The following RBFOX1 variants were observed in gnomAD, a reference collection of about 807,000 sequenced individuals.
RBFOX1 encodes the protein RNA binding fox-1 homolog 1.
RBFOX1 carries 8 observed loss-of-function variants against 57.7 expected under a neutral mutation model. That is an observed-to-expected ratio of 0.14 (90% CI 0.08 to 0.25). RBFOX1 has a LOEUF of 0.25. Among genes scored for constraint, RBFOX1 ranks in the 10% least tolerant of loss-of-function variants. RBFOX1 has a pLI of 1.00. For synonymous variants in RBFOX1, 326 were observed against 222.4 expected (o/e 1.47, Z -4.15); for missense variants, 611 against 548.5 (o/e 1.11, Z -1.14).
chr16:7,053,388 T>C (rs1471846472), intron 4 of RBFOX1, among the ~76,000 whole-genome samples: 2 of 152,216 alleles, frequency 1.3e-5, no homozygotes. Context: ...TGAACTGTCT[T>C]ACTGCTTTTT....
At chr16:7,641,337 A>G (rs552033630) in intron 11 of RBFOX1, among the ~76,000 whole-genome samples, 277 of 152,274 alleles carry the variant, frequency 1.8e-3, no homozygotes, top group Middle Eastern at 3.4e-3. Context: ...GTTCATATAA[A>G]CCCAGTAATG....
At position 5,468,184 on chromosome 16, in the gene RBFOX1, G is replaced by A. The variant is rs145981750; in HGVS notation, c.258+930G>A. On this transcript the variant is annotated intron_variant, in intron 2 of 2. Coordinates refer to the RBFOX1 transcript ENST00000585867. ...AGTAGCTCCTTTTTAAACAAATTGTGTTGAGGTGAAATTCACATAGCATAA... is the reference window on the plus strand; with the variant it reads ...AGTAGCTCCTTTTTAAACAAATTGTATTGAGGTGAAATTCACATAGCATAA... Among the ~76,000 whole-genome samples, 758 of 152,274 alleles carry A rather than the reference G, an allele frequency of 5.0e-3. 7 individuals carry two copies. Among genetic ancestry groups the A allele is most frequent in the Non-Finnish European group, 8.3e-3 (567 of 68,024 alleles).
At chr16:5,472,842 G>A (rs547107565) in intron 2 of RBFOX1, among the ~76,000 whole-genome samples, 2 of 152,202 alleles carry the variant, frequency 1.3e-5, no homozygotes, top group East Asian at 3.8e-4. Context: ...TGTCTGCATA[G>A]GTAACTTTGG....
At chr16:7,172,644 A>T (rs1808911019) in intron 4 of RBFOX1, among the ~76,000 whole-genome samples, 1 of 152,214 alleles carries the variant, frequency 6.6e-6, no homozygotes, top group South Asian at 2.1e-4. Context: ...AACACACATC[A>T]TGCCAAGTTG....
At chr16:5,442,723 T>C (rs1289839632) in intron 1 of RBFOX1, among the ~76,000 whole-genome samples, 2 of 152,212 alleles carry the variant, frequency 1.3e-5, no homozygotes, top group African/African-American at 4.8e-5. Flanking sequence ...CCTAGCATTA[T>C]GTTTTCCATT....
intron 4 of RBFOX1, among the ~76,000 whole-genome samples, chr16:7,350,905 C>G (rs768074722): frequency 2.0e-5 from 3 of 152,076 alleles, no homozygotes; most frequent in Non-Finnish European, 4.4e-5. Context: ...TGTTAATGAC[C>G]CAAGAATGCA....
intron 3 of RBFOX1, among the ~76,000 whole-genome samples, chr16:6,819,630 G>C (rs960237106): frequency 1.4e-5 from 2 of 147,416 alleles, no homozygotes; most frequent in Non-Finnish European, 3.0e-5. Context: ...GCTTGAACCT[G>C]GGAAGCGGAG....
intron 3 of RBFOX1, among the ~76,000 whole-genome samples, chr16:6,679,459 CT>C (rs2058279769): frequency 6.6e-6 from 1 of 152,066 alleles, no homozygotes; most frequent in African/African-American, 2.4e-5. Flanking sequence ...TCTCACTTTC[CT>C]TTCTTTGACC....
chr16:5,887,259 C>T (rs927987044), intron 4 of RBFOX1, among the ~76,000 whole-genome samples: 11 of 152,180 alleles, frequency 7.2e-5, no homozygotes, highest in African/African-American at 2.7e-4. Flanking sequence ...AGTCAGCATT[C>T]GTGGTACCTG....
At chr16:6,976,510 G>A (rs1490239566) in intron 3 of RBFOX1, among the ~76,000 whole-genome samples, 1 of 152,034 alleles carries the variant, frequency 6.6e-6, no homozygotes. Flanking sequence ...ACACCAGAAA[G>A]AATTTGGGGT....
intron 4 of RBFOX1, among the ~76,000 whole-genome samples, chr16:7,238,784 C>G (rs1226854885): frequency 6.6e-6 from 1 of 152,168 alleles, no homozygotes; most frequent in African/African-American, 2.4e-5. Context: ...CCGATCCTGT[C>G]CCTCCCCTGA....
intron 1 of RBFOX1, among the ~76,000 whole-genome samples, chr16:6,124,323 C>A (rs540074116): frequency 1.3e-5 from 2 of 152,096 alleles, no homozygotes; most frequent in Non-Finnish European, 2.9e-5. Flanking sequence ...ATAGCCCCAG[C>A]GTGAAAGTTT....
intron 3 of RBFOX1, among the ~76,000 whole-genome samples, chr16:7,045,044 A>G (rs570437562): frequency 6.6e-6 from 1 of 152,234 alleles, no homozygotes; most frequent in African/African-American, 2.4e-5. Flanking sequence ...TGTGCAATGG[A>G]CAGCTCTTTC....
chr16:6,027,389 G>T (rs2095216383), intron 1 of RBFOX1, among the ~76,000 whole-genome samples: 1 of 152,152 alleles, frequency 6.6e-6, no homozygotes, highest in South Asian at 2.1e-4. Flanking sequence ...AATAGCAGAG[G>T]CACCATGATA....
chr16:5,692,795 C>T (rs1402794931), intron 3 of RBFOX1, among the ~76,000 whole-genome samples: 1 of 151,972 alleles, frequency 6.6e-6, no homozygotes, highest in Non-Finnish European at 1.5e-5. Context: ...CGCACAGAGT[C>T]CAGGCAAGAG....
intron 2 of RBFOX1, among the ~76,000 whole-genome samples, chr16:6,365,774 C>T (rs1005944977): frequency 6.6e-6 from 1 of 152,142 alleles, no homozygotes; most frequent in African/African-American, 2.4e-5. Flanking sequence ...GATGGTTAAC[C>T]TCAGTATCCA....
intron 2 of RBFOX1, among the ~76,000 whole-genome samples, chr16:5,497,592 C>T (rs558278674): frequency 2.9e-5 from 4 of 138,410 alleles, no homozygotes; most frequent in Admixed American, 7.2e-5. Context: ...GCTTGGCCAA[C>T]GCGGTGAAAC....
In RBFOX1 at chr16:5,271,968, A is replaced by G. The variant is rs555376588; in HGVS notation, c.219+31863A>G. Reference sequence around the variant, plus strand: ...GGGTTAATAGTATTCCGTTGTGTGTATATAGTACATTTTCTTTATCCTTTC... The same window carrying G: ...GGGTTAATAGTATTCCGTTGTGTGTGTATAGTACATTTTCTTTATCCTTTC... On this transcript the variant is annotated intron_variant, in intron 1 of 2. Transcript: ENST00000585867. Among the ~76,000 whole-genome samples, 6 of 152,344 alleles carry G rather than the reference A, an allele frequency of 3.9e-5. No individual in the cohort carries two copies. In the South Asian group the frequency reaches 1.2e-3, roughly 32 times the overall value.
chr16:7,245,060 T>C (rs987014777), intron 4 of RBFOX1, among the ~76,000 whole-genome samples: 1 of 152,192 alleles, frequency 6.6e-6, no homozygotes, highest in Non-Finnish European at 1.5e-5. Flanking sequence ...TCTGATTGTT[T>C]ACCTAAGAGA....
Sources: allele counts gnomAD v4.1 joint callset (sites outside exome capture counted in the v4.1 genomes callset), GRCh38; gene constraint gnomAD v4.1.1; transcripts MANE v1.5; gene names NCBI Gene and HGNC (gene_info 2026-07-23, HGNC 2026-07-21).